The following DTD1 variants were observed in gnomAD, a reference collection of about 807,000 sequenced individuals.
DTD1 encodes D-tyrosyl-tRNA deacylase 1 homolog.
In DTD1, 13 loss-of-function variants were observed where a neutral mutation model predicts 25.6. The ratio of observed to expected loss-of-function variants is 0.51; its 90% CI spans 0.33 to 0.81. The LOEUF (loss-of-function observed/expected upper bound fraction) is 0.81, where lower values mean the gene tolerates loss of function less well. DTD1 is among the 30% of genes least tolerant of loss of function. The probability of loss-of-function intolerance (pLI) is 0.02; values close to 1 mark genes in which losing one functional copy is unlikely to be tolerated. For missense variants in DTD1, 193 were observed against 266.4 expected (o/e 0.72, Z 1.92); for synonymous variants, 110 against 103.6 (o/e 1.06, Z -0.37).
intron 4 of DTD1, among the ~76,000 whole-genome samples, chr20:18,735,663 C>G (rs563134859): frequency 6.6e-6 from 1 of 152,188 alleles, no homozygotes; most frequent in South Asian, 2.1e-4. Flanking sequence ...GTGCATGGGC[C>G]CTTTGAGGAT....
At chr20:18,591,346 G>A (rs754586321) in intron 1 of DTD1, among the ~76,000 whole-genome samples, 1 of 152,130 alleles carries the variant, frequency 6.6e-6, no homozygotes, top group Non-Finnish European at 1.5e-5. Flanking sequence ...TTTAGTGTAC[G>A]AAGATTTTCA....
intron 4 of DTD1, among the ~76,000 whole-genome samples, chr20:18,736,722 A>G (rs1600397463): frequency 6.6e-6 from 1 of 151,894 alleles, no homozygotes; most frequent in Non-Finnish European, 1.5e-5. Flanking sequence ...AGATACCCCA[A>G]CTCCGAAGGC....
At chr20:18,690,991 A>G (rs1457459714) in intron 4 of DTD1, among the ~76,000 whole-genome samples, 4 of 152,246 alleles carry the variant, frequency 2.6e-5, no homozygotes, top group Non-Finnish European at 4.4e-5. Flanking sequence ...AGTCATATGC[A>G]TGGCCAACAA....
In DTD1 at chr20:18,744,655, A is replaced by AAAAAAAAAAC. The variant is rs10632823; in HGVS notation, c.*19+384_*19+385insAAAAAAAAAC. 7.0e-4 allele frequency among the ~76,000 whole-genome samples: 84 copies of AAAAAAAAAAC among 119,912 alleles called. 8 individuals carry two copies. The highest frequency in any genetic ancestry group is 5.5e-3 in the South Asian group (18 of 3,252). The allele number at this position is 119,912 out of a possible 152,430, so 78.7% of individuals were successfully genotyped here. Reference sequence around the variant, plus strand: ...CCATCTCAAAAAAAAAAAACAAAAAACAAGTGAAAGGGGTTTCCCCTTATA... The same window carrying AAAAAAAAAAC: ...CCATCTCAAAAAAAAAAAACAAAAAAAAAAAAAAACCAAGTGAAAGGGGTTTCCCCTTATA... On this transcript the variant is annotated intron_variant, in intron 5 of 5. Transcript: ENST00000377452.
intron 3 of DTD1, among the ~76,000 whole-genome samples, chr20:18,616,969 A>G (rs1278863328): frequency 6.6e-6 from 1 of 152,116 alleles, no homozygotes; most frequent in Non-Finnish European, 1.5e-5. Context: ...TGGCTTTGCC[A>G]TCCTTTCTAT....
intron 3 of DTD1, among the ~76,000 whole-genome samples, chr20:18,618,821 T>C (rs2060720932): frequency 6.6e-6 from 1 of 151,818 alleles, no homozygotes; most frequent in African/African-American, 2.4e-5. Context: ...CAAGCAATTC[T>C]CCTGCCTCAG....
intron 4 of DTD1, among the ~76,000 whole-genome samples, chr20:18,733,930 A>T (rs949013914): frequency 1.3e-5 from 2 of 152,236 alleles, no homozygotes; most frequent in African/African-American, 4.8e-5. Flanking sequence ...ACGGTGTGTT[A>T]TGGAAACATC....
chr20:18,757,279 A>C (rs1387431381), intron 5 of DTD1, among the ~76,000 whole-genome samples: 1 of 152,188 alleles, frequency 6.6e-6, no homozygotes, highest in Non-Finnish European at 1.5e-5. Context: ...CTCTTGCCTG[A>C]TTGCCCTGGC....
chr20:18,645,026 T>C (rs6045531), intron 4 of DTD1, among the ~76,000 whole-genome samples: 1 of 152,028 alleles, frequency 6.6e-6, no homozygotes, highest in South Asian at 2.1e-4. Context: ...TGGTGCACGT[T>C]TGTAGTCCCA....
intron 4 of DTD1, chr20:18,631,307 A>G (rs1042278761): frequency 2.0e-6 from 2 of 984,576 alleles, no homozygotes; most frequent in South Asian, 4.7e-5. Context: ...AGGTGGTGAC[A>G]TAGAGCATAA....
intron 5 of DTD1, among the ~76,000 whole-genome samples, chr20:18,756,884 G>C (rs1054350125): frequency 6.6e-6 from 1 of 151,156 alleles, no homozygotes; most frequent in African/African-American, 2.4e-5. Flanking sequence ...TCACAATATT[G>C]ATTCTTCCTA....
intron 4 of DTD1, among the ~76,000 whole-genome samples, chr20:18,708,916 A>T (rs2061147158): frequency 6.6e-6 from 1 of 152,136 alleles, no homozygotes; most frequent in Admixed American, 6.5e-5. Context: ...GGTGTTTTGT[A>T]TTAAGTAAAA....
At chr20:18,714,878 C>T (rs997298946) in intron 4 of DTD1, among the ~76,000 whole-genome samples, 3 of 152,218 alleles carry the variant, frequency 2.0e-5, no homozygotes, top group Non-Finnish European at 4.4e-5. Context: ...TGGGTGCCGA[C>T]ACTCCTGCCC....
chr20:18,688,934 G>A (rs1324965703), intron 4 of DTD1, among the ~76,000 whole-genome samples: 4 of 152,104 alleles, frequency 2.6e-5, no homozygotes, highest in Admixed American at 1.3e-4. Context: ...CAGTGGCCAG[G>A]AAGGCATGAC....
chr20:18,687,526 T>C (rs74548058), intron 4 of DTD1, among the ~76,000 whole-genome samples: 2,129 of 152,320 alleles, frequency 0.014, 34 homozygotes, highest in African/African-American at 0.021. Context: ...ATTATGTTTG[T>C]AAAACATAAA....
At chr20:18,659,915 A>AAAAG (rs142198714) in intron 4 of DTD1, among the ~76,000 whole-genome samples, 76,339 of 150,690 alleles carry the variant, frequency 0.51, 19,691 homozygotes, top group Middle Eastern at 0.57. Flanking sequence ...ATAACTTTAA[A>AAAAG]AAAGAAAGAA....
rs78405435 is a variant in DTD1, at chr20:18,700,550, G to T, written c.478-43550G>T. Among the ~76,000 whole-genome samples the T allele has an allele frequency of 8.7e-3, 1,320 of 151,506 alleles. 14 individuals carry two copies. Among genetic ancestry groups the T allele is most frequent in the South Asian group, 0.035 (169 of 4,790 alleles). On this transcript the variant is annotated intron_variant, in intron 4 of 5. Transcript: ENST00000377452. ...TTTCAATAGCTTTTGGGATACAAGTGGGATTTTTTTTGTTATGTGGATGAA... is the reference window on the plus strand; with the variant it reads ...TTTCAATAGCTTTTGGGATACAAGTTGGATTTTTTTTGTTATGTGGATGAA...
intron 4 of DTD1, among the ~76,000 whole-genome samples, chr20:18,650,347 C>T (rs921450318): frequency 1.3e-5 from 2 of 152,216 alleles, no homozygotes; most frequent in African/African-American, 4.8e-5. Context: ...TGTGCTTGCT[C>T]AGGTCACTTG....
At chr20:18,613,341 C>T (rs1411664571) in intron 3 of DTD1, among the ~76,000 whole-genome samples, 1 of 152,114 alleles carries the variant, frequency 6.6e-6, no homozygotes, top group Non-Finnish European at 1.5e-5. Context: ...TCTGCCACAG[C>T]GTGGTAACAT....
Sources: gnomAD v4.1 joint callset for allele counts (sites outside exome capture counted in the v4.1 genomes callset) on GRCh38, gnomAD v4.1.1 for gene constraint, MANE v1.5 for transcripts, NCBI Gene and HGNC (gene_info 2026-07-23, HGNC 2026-07-21) for gene names.